Variants in TMEM175 observed in about 807,000 individuals in gnomAD.
TMEM175 encodes the protein endosomal/lysosomal proton channel TMEM175.
TMEM175 carries 36 observed loss-of-function variants against 36.5 expected under a neutral mutation model. The observed-to-expected ratio is 0.99, with a 90% CI of 0.76 to 1.30. The LOEUF is 1.30. Ranked by LOEUF, TMEM175 falls within the 50% of genes most tolerant of loss-of-function variation. The pLI is 0.00. For missense variants in TMEM175, 705 were observed against 692.8 expected, an observed-to-expected ratio of 1.02 and a Z score of -0.20; for synonymous variants, 339 against 313.4, an observed-to-expected ratio of 1.08 and a Z score of -0.86.
intron 1 of TMEM175, among the ~76,000 whole-genome samples, chr4:939,294 C>A (rs553648974): frequency 7.2e-5 from 11 of 152,320 alleles, no homozygotes; most frequent in African/African-American, 2.4e-4. Flanking sequence ...GAAAAAGGAA[C>A]CTTGGGCCGG....
chr4:945,565 A>G (rs945416151), intron 1 of TMEM175, among the ~76,000 whole-genome samples: 6 of 152,046 alleles, frequency 3.9e-5, no homozygotes, highest in Admixed American at 6.6e-5. Context: ...CCGGCTGGAA[A>G]CCAGTGAGCC....
chr4:957,194 G>C (rs545235343), intron 10 of TMEM175, among the ~76,000 whole-genome samples: 1 of 151,786 alleles, frequency 6.6e-6, no homozygotes, highest in East Asian at 1.9e-4. Flanking sequence ...CGCCCTCTGC[G>C]TATTGTTCTG....
In TMEM175 at chr4:958,368, C is replaced by T. The variant is rs756011262; in HGVS notation, c.1387C>T (p.Arg463Cys). The T allele has an allele frequency of 5.6e-6, 9 of 1,603,128 alleles. No homozygotes were observed. Among genetic ancestry groups the T allele is most frequent in the South Asian group, 2.2e-5 (2 of 91,076 alleles). ...CGTGCCCTGCGCCTTCCTGTTGCTG[C>T]GCCTGCTCGTGGGCCTGGCCCTGGC... The part of the protein sequence containing the change: ...IAVPCAFLLL[R>C]LLVGLALATL... The change falls in exon 11 of 11, where the codon CGC becomes TGC. Residue 463 changes from arginine (R) to cysteine (C), a missense_variant. Physicochemically the swap from Arg to Cys is radical, Grantham distance 180. Coordinates refer to ENST00000264771, the MANE Select transcript of TMEM175 (RefSeq NM_032326.4).
chr4:932,922 A>C lies in TMEM175; in HGVS notation c.-32+382A>C, dbSNP rs914205370. Among the ~76,000 whole-genome samples the C allele has an allele frequency of 6.6e-6, 1 of 152,230 alleles. No individual in the cohort carries two copies. Among genetic ancestry groups the C allele is most frequent in the Non-Finnish European group, 1.5e-5 (1 of 68,040 alleles). On this transcript the variant is annotated intron_variant, in intron 1 of 10. Coordinates refer to ENST00000264771, the MANE Select transcript of TMEM175 (RefSeq NM_032326.4). The surrounding 1 kb of genome is among the most constrained non-coding windows in gnomAD (Gnocchi z 4.0). ...CAGGGTCTGGCCTGGGGCAGTGACC[A>C]GTAGTGGGAGCCGTGGGCTAGAAAA... is the stretch of plus-strand genomic sequence containing the variant.
intron 1 of TMEM175, among the ~76,000 whole-genome samples, chr4:943,260 A>G (rs1451462768): frequency 6.6e-6 from 1 of 152,044 alleles, no homozygotes; most frequent in East Asian, 1.9e-4. Flanking sequence ...TATTATTACT[A>G]TTTTTTTCCT....
chr4:951,810 G>A lies in TMEM175; in HGVS notation c.378+93G>A, dbSNP rs958194931. 2.2e-6 allele frequency: 3 copies of A among 1,348,120 alleles called. No homozygotes were observed. The African/African-American group carries it at 4.3e-5, about 19-fold the overall frequency. The allele number at this position is 1,348,120 out of a possible 1,614,324, so 83.5% of individuals were successfully genotyped here. A position where few individuals can be genotyped will look rare whatever the true frequency, so the allele number is the denominator to read the frequency against. ...AAAGCAGACCAGCTGGATGGCCCAGGGCCCAGGCCACACGGTTGTAGAGAA... is the reference window on the plus strand; with the variant it reads ...AAAGCAGACCAGCTGGATGGCCCAGAGCCCAGGCCACACGGTTGTAGAGAA... On this transcript the variant is annotated intron_variant, in intron 6 of 10. Coordinates refer to ENST00000264771, the MANE Select transcript of TMEM175 (RefSeq NM_032326.4).
rs1427709260 is a variant in TMEM175, at chr4:932,504, G to C, written c.-68G>C. On this transcript the variant is annotated 5_prime_UTR_variant, in exon 1 of 11. Coordinates refer to ENST00000264771, the MANE Select transcript of TMEM175 (RefSeq NM_032326.4). This position sits in a 1 kb window ranked among gnomAD's most constrained non-coding sequence, Gnocchi z 4.0. ...TCCCGGCCGGGCTGACTCAAGCGGA[G>C]GCGCGCGGAACAGTCGCCGAGGCGA... 4.3e-6 allele frequency: 2 copies of C among 468,670 alleles called. No individual in the cohort carries two copies. The highest frequency in any genetic ancestry group is 5.5e-4 in the Middle Eastern group (1 of 1,808). 29.0% of individuals were successfully genotyped at this position (468,670 alleles called of 1,614,324 possible).
chr4:941,954 C>T (rs1271357621), intron 1 of TMEM175, among the ~76,000 whole-genome samples: 2 of 152,092 alleles, frequency 1.3e-5, no homozygotes, highest in Admixed American at 1.3e-4. Context: ...TCTCCGGCAT[C>T]ATCTTCCAAG....
At chr4:948,383 G>T in intron 3 of TMEM175, 3 of 1,530,304 alleles carry the variant, frequency 2.0e-6, no homozygotes, top group Non-Finnish European at 2.6e-6. Flanking sequence ...GGGAGACTGG[G>T]CTCCTAGGGC....
At chr4:941,110 G>T (rs1450232746) in intron 1 of TMEM175, among the ~76,000 whole-genome samples, 1 of 150,018 alleles carries the variant, frequency 6.7e-6, no homozygotes, top group Non-Finnish European at 1.5e-5. Context: ...GGGTGCAGTG[G>T]CTCACGCCTG....
At chr4:955,381 G>T in intron 8 of TMEM175, 24 bp from the exon 9 acceptor site, 2 of 1,606,798 alleles carry the variant, frequency 1.2e-6, no homozygotes, top group South Asian at 2.2e-5. Flanking sequence ...GGAGGGCACT[G>T]ACCTGCGGTT....
chr4:951,261 G>A lies in TMEM175; in HGVS notation c.342+3G>A. 6.2e-7 allele frequency: 1 copy of A among 1,614,096 alleles called. No individual in the cohort carries two copies. Among genetic ancestry groups the A allele is most frequent in the South Asian group, 1.1e-5 (1 of 91,078 alleles). ...ACACACTTGCCCTGCTCAACCTGGT[G>A]AGTATTTTCCGGTCCTTTTCTGGGG... On this transcript the variant is annotated splice_donor_region_variant and intron_variant, in intron 5 of 10. Transcript: ENST00000264771.
chr4:949,067 G>A (rs558299492), intron 3 of TMEM175, among the ~76,000 whole-genome samples: 2 of 152,332 alleles, frequency 1.3e-5, no homozygotes, highest in African/African-American at 2.4e-5. Context: ...CCCTAGGGGG[G>A]CAGCTGCTCA....
chr4:950,767 T>C (rs1453590374), intron 4 of TMEM175, among the ~76,000 whole-genome samples: 1 of 147,748 alleles, frequency 6.8e-6, no homozygotes, highest in East Asian at 2.0e-4. Flanking sequence ...GTGTGGACGG[T>C]GTGGATGGTG....
intron 1 of TMEM175, among the ~76,000 whole-genome samples, chr4:935,453 A>G (rs189946383): frequency 6.4e-4 from 98 of 152,346 alleles, no homozygotes; most frequent in African/African-American, 2.2e-3. Context: ...GTAATGAAGA[A>G]GGGGTGAATT....
chr4:952,438 T>A lies in TMEM175; in HGVS notation c.450T>A (p.Ile150=), dbSNP rs11552301. ...IFLFCVCVIA[I]GVVQALIVGY... is the part of the protein sequence containing the mutation. ...TGTTCTGTGTGTGTGTGATCGCCATTGGGGTCGTGCAGGTAGGGGGCCTGG... is the reference window on the plus strand; with the variant it reads ...TGTTCTGTGTGTGTGTGATCGCCATAGGGGTCGTGCAGGTAGGGGGCCTGG... Residue 150 remains isoleucine, a synonymous_variant, in exon 7 of 11, where the codon ATT becomes ATA. Coordinates refer to ENST00000264771, the MANE Select transcript of TMEM175 (RefSeq NM_032326.4). 1.1e-5 allele frequency: 18 copies of A among 1,602,332 alleles called. No individual in the cohort carries two copies. Among genetic ancestry groups the A allele is most frequent in the Non-Finnish European group, 1.5e-5 (18 of 1,176,552 alleles).
intron 3 of TMEM175, chr4:948,753 G>A (rs1311355658): frequency 9.9e-7 from 1 of 1,014,656 alleles, no homozygotes; most frequent in African/African-American, 1.7e-5. Context: ...CTCATGACAG[G>A]GTCGTGCGGC....
chr4:951,525 C>G, intron 5 of TMEM175, 157 bp from the exon 6 acceptor site: 5 of 940,882 alleles, frequency 5.3e-6, no homozygotes, highest in Non-Finnish European at 8.3e-6. Flanking sequence ...TGAGTGCCCC[C>G]ATCTGGCCCT....
At position 950,451 on chromosome 4, in the gene TMEM175, G is replaced by C. The variant is rs138593933; in HGVS notation, c.223G>C (p.Ala75Pro). The C allele has an allele frequency of 5.6e-6, 9 of 1,614,064 alleles. No individual in the cohort carries two copies. The African/African-American group carries it at 1.2e-4, about 22-fold the overall frequency. ...QFDRSVQRLLATRIAVYLMTF... is the reference protein window; with the variant it reads ...QFDRSVQRLLPTRIAVYLMTF... ...CGACAGAAGTGTACAGAGGCTTCTG[G>C]CAACACGGATTGCCGTCTACCTGAT... Residue 75 changes from alanine (A) to proline (P), a missense_variant, in exon 4 of 11, where the codon GCA becomes CCA. Ala to Pro is a conservative substitution (Grantham distance 27, BLOSUM62 -1). Coordinates refer to ENST00000264771, the MANE Select transcript of TMEM175 (RefSeq NM_032326.4).
Sources: allele counts gnomAD v4.1 joint callset (sites outside exome capture counted in the v4.1 genomes callset), GRCh38; gene constraint gnomAD v4.1.1; non-coding constraint Gnocchi (gnomAD v3.1); transcripts MANE v1.5; gene names NCBI Gene and HGNC (gene_info 2026-07-23, HGNC 2026-07-21).